The following SH3BGRL variants were observed in gnomAD, a reference collection of about 807,000 sequenced individuals.
SH3BGRL encodes SH3 domain binding glutamate rich protein like, also known as adapter SH3BGRL.
Under a neutral mutation model 9.8 loss-of-function variants are expected in SH3BGRL, and 7 were observed. The ratio of observed to expected loss-of-function variants is 0.72; its 90% CI spans 0.41 to 1.35. The LOEUF (loss-of-function observed/expected upper bound fraction) is 1.35. Ranked by LOEUF, SH3BGRL falls within the 40% of genes most tolerant of loss-of-function variation. The probability of loss-of-function intolerance (pLI) is 0.01; values close to 1 mark genes in which losing one functional copy is unlikely to be tolerated. For missense variants in SH3BGRL, 73 were observed against 84.4 expected, an observed-to-expected ratio of 0.86 and a Z score of 0.53; for synonymous variants, 36 against 29.1, an observed-to-expected ratio of 1.24 and a Z score of -0.76.
chrX:81,295,524 T>C (rs1188815079), intron 3 of SH3BGRL, among the ~76,000 whole-genome samples: 1 of 111,381 alleles, frequency 9.0e-6, no homozygotes, highest in Non-Finnish European at 1.9e-5. Context: ...CCTCTTTTTC[T>C]CCCTCGTCTT....
chrX:81,267,113 C>T (rs12564133), intron 1 of SH3BGRL, among the ~76,000 whole-genome samples: 5 of 111,891 alleles, frequency 4.5e-5, no homozygotes, highest in Admixed American at 1.9e-4. Flanking sequence ...TGGGCTGAGA[C>T]GATGGGGTTT....
At chrX:81,267,521 G>A (rs2075761630) in intron 1 of SH3BGRL, among the ~76,000 whole-genome samples, 1 of 111,871 alleles carries the variant, frequency 8.9e-6, no homozygotes, top group Non-Finnish European at 1.9e-5. Flanking sequence ...ATTGATTTCT[G>A]TGTGTTGAAC....
At chrX:81,215,807 A>G (rs12014025) in intron 1 of SH3BGRL, among the ~76,000 whole-genome samples, 17,257 of 111,110 alleles carry the variant, frequency 0.16, 1,029 homozygotes, top group Non-Finnish European at 0.18. Flanking sequence ...ATTTCACTAG[A>G]CAGAAGTGTG....
chrX:81,250,993 AT>A (rs755671096), intron 1 of SH3BGRL, among the ~76,000 whole-genome samples: 105 of 111,947 alleles, frequency 9.4e-4, no homozygotes, highest in African/African-American at 3.4e-3. Flanking sequence ...CTAATCTTAA[AT>A]TTGTGATATT....
intron 1 of SH3BGRL, among the ~76,000 whole-genome samples, chrX:81,253,241 C>T (rs1305944349): frequency 8.9e-6 from 1 of 112,409 alleles, no homozygotes; most frequent in Non-Finnish European, 1.9e-5. Context: ...ATTGATTTCA[C>T]ACATAAATAA....
At chrX:81,258,624 T>A (rs1200634766) in intron 1 of SH3BGRL, among the ~76,000 whole-genome samples, 1 of 112,333 alleles carries the variant, frequency 8.9e-6, no homozygotes, top group Non-Finnish European at 1.9e-5. Flanking sequence ...TGGGGAGAAT[T>A]ATCTTCTCTT....
chrX:81,212,212 A>G (rs145600128), intron 1 of SH3BGRL, among the ~76,000 whole-genome samples: 1,391 of 110,360 alleles, frequency 0.013, 27 homozygotes, highest in African/African-American at 0.043. Context: ...TTGGGGAACA[A>G]AGTGAGACCC....
intron 1 of SH3BGRL, among the ~76,000 whole-genome samples, chrX:81,259,095 T>G (rs749637556): frequency 1.8e-5 from 2 of 112,502 alleles, no homozygotes; most frequent in Non-Finnish European, 3.8e-5. Context: ...ACAGTCTGTT[T>G]TTAAAAGTAT....
In SH3BGRL at chrX:81,298,471, G is replaced by T. The variant is rs1364545010; in HGVS notation, c.*1244G>T. On this transcript the variant is annotated 3_prime_UTR_variant, in exon 4 of 4. Coordinates refer to ENST00000373212, the MANE Select transcript of SH3BGRL (RefSeq NM_003022.3). ...CTTTTTGCCAAAATCAACATATAAT[G>T]AAGAGATGCCTTTGTTTCATGAGAT... 1 of 111,218 alleles carries T rather than the reference G, an allele frequency of 9.0e-6. No individual in the cohort carries two copies. The highest frequency in any genetic ancestry group is 1.9e-5 in the Non-Finnish European group (1 of 52,739). 9.2% of individuals were successfully genotyped at this position (111,218 alleles called of 1,213,427 possible).
rs144659521 is a variant in SH3BGRL at position 81,212,868 on chromosome X, G to A, written c.45+10623G>A. Among the ~76,000 whole-genome samples the A allele has an allele frequency of 1.2e-3, 137 of 112,192 alleles. 1 individual carries two copies. The highest frequency in any genetic ancestry group is 4.2e-3 in the African/African-American group (130 of 30,905). On this transcript the variant is annotated intron_variant, in intron 1 of 3. Transcript: ENST00000373212. ...AACTCAAAGCATCTAATACGATCTT[G>A]TCAAAATTATGTCTACATGTCCAAG...
intron 1 of SH3BGRL, among the ~76,000 whole-genome samples, chrX:81,253,099 A>G: frequency 8.9e-6 from 1 of 112,362 alleles, no homozygotes. Flanking sequence ...ACATGTTCAT[A>G]GAGTGAATAA....
At chrX:81,208,135 ACCTGTAGTC>A (rs1297197834) in intron 1 of SH3BGRL, among the ~76,000 whole-genome samples, 2 of 110,395 alleles carry the variant, frequency 1.8e-5, no homozygotes, top group Non-Finnish European at 3.8e-5. Flanking sequence ...GGTGGCGGGC[ACCTGTAGTC>A]CCAGCTACTT....
chrX:81,236,327 C>A (rs1267891998), intron 1 of SH3BGRL, among the ~76,000 whole-genome samples: 4 of 111,664 alleles, frequency 3.6e-5, no homozygotes, highest in Non-Finnish European at 7.5e-5. Flanking sequence ...TAAAACATGC[C>A]TAGTAAACTT....
At chrX:81,206,225 T>C (rs2075547600) in intron 1 of SH3BGRL, among the ~76,000 whole-genome samples, 1 of 111,242 alleles carries the variant, frequency 9.0e-6, no homozygotes, top group Non-Finnish European at 1.9e-5. Context: ...CTTAATATAG[T>C]TCCATTTGTC....
At chrX:81,272,634 G>A (rs1383426921) in intron 1 of SH3BGRL, among the ~76,000 whole-genome samples, 1 of 108,840 alleles carries the variant, frequency 9.2e-6, no homozygotes, top group African/African-American at 3.3e-5. Context: ...CTGGTAGCTG[G>A]GACTTCAGGT....
chrX:81,267,697 G>T (rs1368869780), intron 1 of SH3BGRL, among the ~76,000 whole-genome samples: 1 of 111,556 alleles, frequency 9.0e-6, no homozygotes, highest in African/African-American at 3.3e-5. Context: ...GCCCTGCTTT[G>T]GTGTCAGGAT....
chrX:81,268,321 A>G (rs747056579), intron 1 of SH3BGRL, among the ~76,000 whole-genome samples: 15 of 110,532 alleles, frequency 1.4e-4, no homozygotes, highest in South Asian at 1.1e-3. Context: ...TACGGTTTCG[A>G]TTTTAGACCT....
At chrX:81,292,362 C>A (rs1197159315) in intron 3 of SH3BGRL, among the ~76,000 whole-genome samples, 1 of 111,561 alleles carries the variant, frequency 9.0e-6, no homozygotes, top group Non-Finnish European at 1.9e-5. Context: ...TGACACATAT[C>A]TGGGGCCCTT....
chrX:81,250,039 T>A (rs1312292329), intron 1 of SH3BGRL, among the ~76,000 whole-genome samples: 2 of 109,686 alleles, frequency 1.8e-5, no homozygotes, highest in Admixed American at 9.8e-5. Flanking sequence ...TTTTTTTTAA[T>A]GCAGTATACT....
Sources: allele counts gnomAD v4.1 joint callset (sites outside exome capture counted in the v4.1 genomes callset), GRCh38; gene constraint gnomAD v4.1.1; transcripts MANE v1.5; gene names NCBI Gene and HGNC (gene_info 2026-07-23, HGNC 2026-07-21).